The following QPCT variants were observed in gnomAD, a reference collection of about 807,000 sequenced individuals.
QPCT encodes glutaminyl-peptide cyclotransferase, also known as EC.
Under a neutral mutation model 43.4 loss-of-function variants are expected in QPCT, and 44 were observed. That is an observed-to-expected ratio of 1.01 (90% CI 0.80 to 1.30). The LOEUF (loss-of-function observed/expected upper bound fraction) is 1.30. Among genes scored for constraint, QPCT ranks in the 50% most tolerant of loss-of-function variants. The pLI is 0.00. For synonymous variants in QPCT, 168 were observed against 168.4 expected (o/e 1.00, Z 0.02); for missense variants, 526 against 436.5 (o/e 1.21, Z -1.83).
intron 2 of QPCT, among the ~76,000 whole-genome samples, chr2:37,353,206 C>T (rs916757757): frequency 6.6e-6 from 1 of 152,108 alleles, no homozygotes; most frequent in East Asian, 1.9e-4. Flanking sequence ...AATAGCACAC[C>T]CCGAGGCTCC....
At chr2:37,350,703 C>G (rs1218368096) in intron 1 of QPCT, among the ~76,000 whole-genome samples, 1 of 152,180 alleles carries the variant, frequency 6.6e-6, no homozygotes, top group Non-Finnish European at 1.5e-5. Flanking sequence ...ATCTCAGTTT[C>G]CACTAATATA....
chr2:37,352,759 G>C (rs1330945038), intron 1 of QPCT, 30 bp from the exon 2 acceptor site: 1 of 1,607,572 alleles, frequency 6.2e-7, no homozygotes, highest in African/African-American at 1.3e-5. Flanking sequence ...TGAAAGGATA[G>C]CTAGTTAAAT....
chr2:37,354,692 C>T (rs995122357), intron 2 of QPCT, among the ~76,000 whole-genome samples: 11 of 152,270 alleles, frequency 7.2e-5, no homozygotes, highest in African/African-American at 2.6e-4. Context: ...TAACAACATT[C>T]CCTGGGCCTT....
At chr2:37,346,355 C>A (rs1431247549) in intron 1 of QPCT, among the ~76,000 whole-genome samples, 3 of 152,220 alleles carry the variant, frequency 2.0e-5, no homozygotes, top group Non-Finnish European at 4.4e-5. Context: ...AAATCCTCTC[C>A]TTCTCTTCAC....
chr2:37,361,000 A>G lies in QPCT; in HGVS notation c.546+1142A>G, dbSNP rs939626356. On this transcript the variant is annotated intron_variant, in intron 3 of 6. Coordinates refer to ENST00000338415, the MANE Select transcript of QPCT (RefSeq NM_012413.4). The stretch of plus-strand genomic sequence containing the variant: ...TGAGTGAACTCCTTTGCTTTTTCCC[A>G]TATAGCTCATATCTGCTTTTGGTGA... Among the ~76,000 whole-genome samples, 6 of 152,192 alleles carry G rather than the reference A, an allele frequency of 3.9e-5. No homozygotes were observed. In the East Asian group the frequency reaches 7.7e-4, roughly 20 times the overall value.
intron 1 of QPCT, among the ~76,000 whole-genome samples, chr2:37,347,170 TATATATATAAC>T (rs1558599352): frequency 1.9e-5 from 1 of 52,848 alleles, no homozygotes; most frequent in Non-Finnish European, 3.2e-5. Flanking sequence ...ATATAACATA[TATATATATAAC>T]ATATATATAT....
At chr2:37,354,855 C>T (rs531248226) in intron 2 of QPCT, among the ~76,000 whole-genome samples, 1 of 152,060 alleles carries the variant, frequency 6.6e-6, no homozygotes, top group Non-Finnish European at 1.5e-5. Context: ...TTGCCCAGAG[C>T]GCTGTATATA....
At chr2:37,359,044 A>T (rs6730342) in intron 2 of QPCT, among the ~76,000 whole-genome samples, 2 of 152,164 alleles carry the variant, frequency 1.3e-5, no homozygotes, top group African/African-American at 4.8e-5. Flanking sequence ...GGTTTACTTA[A>T]TTTTTTAAAT....
At chr2:37,371,431 C>CCAAAAA (rs1673071267) in intron 5 of QPCT, among the ~76,000 whole-genome samples, 1 of 69,382 alleles carries the variant, frequency 1.4e-5, no homozygotes, top group South Asian at 6.3e-4. Flanking sequence ...GACTCCATCT[C>CCAAAAA]AAAAAAAAAA....
rs182309355 is a variant in QPCT at position 37,358,274 on chromosome 2, A to G, written c.268-1306A>G. On this transcript the variant is annotated intron_variant, in intron 2 of 6. Coordinates refer to ENST00000338415, the MANE Select transcript of QPCT (RefSeq NM_012413.4). ...CAAAAAACCAAAAAAACAAAACAAA[A>G]AAACCCACAAAAGTTAGTCAGGCAT... Among the ~76,000 whole-genome samples the G allele has an allele frequency of 3.8e-3, 574 of 152,162 alleles. 3 individuals are homozygous for G. The highest frequency in any genetic ancestry group is 9.1e-3 in the South Asian group (44 of 4,816).
At chr2:37,372,335 C>A in intron 5 of QPCT, 21 bp from the exon 6 acceptor site, 1 of 1,490,520 alleles carries the variant, frequency 6.7e-7, no homozygotes, top group Non-Finnish European at 9.4e-7. Context: ...TGTTCATTTA[C>A]TGTATAATTG....
chr2:37,348,463 G>A (rs949322551), intron 1 of QPCT, among the ~76,000 whole-genome samples: 1 of 152,202 alleles, frequency 6.6e-6, no homozygotes, highest in Non-Finnish European at 1.5e-5. Flanking sequence ...AGTAACTGCT[G>A]ATTGAGCTGA....
At chr2:37,353,809 C>T (rs144400270) in intron 2 of QPCT, among the ~76,000 whole-genome samples, 3 of 152,322 alleles carry the variant, frequency 2.0e-5, no homozygotes, top group African/African-American at 4.8e-5. Flanking sequence ...AGGCAAAAGA[C>T]CTTGGCACCC....
At chr2:37,368,811 C>A (rs1289056764) in intron 4 of QPCT, among the ~76,000 whole-genome samples, 1 of 152,118 alleles carries the variant, frequency 6.6e-6, no homozygotes, top group East Asian at 1.9e-4. Context: ...TATATTTGGA[C>A]TGATAAATAA....
In QPCT at chr2:37,362,186, T is replaced by C. The variant is rs115278490; in HGVS notation, c.546+2328T>C. Reference sequence around the variant, plus strand: ...CTGCAAGAGATAAAAACTATTTCCGTTTGCCTATGCCCTGGGCATGAGCAG... The same window carrying C: ...CTGCAAGAGATAAAAACTATTTCCGCTTGCCTATGCCCTGGGCATGAGCAG... On this transcript the variant is annotated intron_variant, in intron 3 of 6. Transcript: ENST00000338415. Among the ~76,000 whole-genome samples, 657 of 152,350 alleles carry C rather than the reference T, an allele frequency of 4.3e-3. 5 individuals are homozygous for C. The highest frequency in any genetic ancestry group is 0.015 in the African/African-American group (619 of 41,588).
At chr2:37,346,076 T>C (rs1179694955) in intron 1 of QPCT, among the ~76,000 whole-genome samples, 2 of 152,196 alleles carry the variant, frequency 1.3e-5, no homozygotes, top group African/African-American at 4.8e-5. Flanking sequence ...TGCCTGTATT[T>C]ACTCAAATGT....
At chr2:37,370,214 A>G (rs1278684951) in intron 5 of QPCT, among the ~76,000 whole-genome samples, 1 of 152,048 alleles carries the variant, frequency 6.6e-6, no homozygotes, top group African/African-American at 2.4e-5. Context: ...TAATTTAAGT[A>G]TATGATTTAA....
At chr2:37,368,667 TA>T in intron 4 of QPCT, 1 of 471,190 alleles carries the variant, frequency 2.1e-6, no homozygotes, top group Non-Finnish European at 4.4e-6. Context: ...GTGGTCAGCA[TA>T]TCATTCATTC....
intron 2 of QPCT, among the ~76,000 whole-genome samples, chr2:37,356,396 G>C (rs1258196012): frequency 6.6e-6 from 1 of 151,958 alleles, no homozygotes; most frequent in Non-Finnish European, 1.5e-5. Flanking sequence ...GCAACCCAAA[G>C]TGTGATCTAT....
Sources: gnomAD v4.1 joint callset for allele counts (sites outside exome capture counted in the v4.1 genomes callset) on GRCh38, gnomAD v4.1.1 for gene constraint, MANE v1.5 for transcripts, NCBI Gene and HGNC (gene_info 2026-07-23, HGNC 2026-07-21) for gene names.